ZNF606: variants seen among roughly 807,000 people sequenced by gnomAD.
The protein encoded by ZNF606 is zinc finger protein 606, also known as zinc finger protein 328.
ZNF606 carries 37 observed loss-of-function variants against 74.9 expected under a neutral mutation model. That is an observed-to-expected ratio of 0.49 (90% CI 0.38 to 0.65). The LOEUF is 0.65. ZNF606 is among the 30% of genes least tolerant of loss of function. ZNF606 has a pLI of 0.00. For missense variants in ZNF606, 852 were observed against 952.9 expected (o/e 0.89, Z 1.39); for synonymous variants, 328 against 312.4 (o/e 1.05, Z -0.53).
chr19:58,000,504 TCA>T, intron 3 of ZNF606, 177 bp downstream of exon 3: 1 of 716,414 alleles, frequency 1.4e-6, no homozygotes, highest in Non-Finnish European at 2.5e-6. Flanking sequence ...TAGGCGTGAG[TCA>T]CCACGCCTGG....
rs1313857117 is a variant in ZNF606 at position 57,979,621 on chromosome 19, G to C, written c.1059C>G (p.Ile353Met). The C allele has an allele frequency of 3.1e-6, 5 of 1,613,274 alleles. No individual in the cohort carries two copies. The South Asian group carries it at 5.5e-5, about 18-fold the overall frequency. Residue 353 changes from isoleucine to methionine, a missense_variant, in exon 7 of 7, where the codon ATC becomes ATG. This residue lies in a region of ZNF606 where 545 missense variants were observed against 542.5 expected (regional missense o/e 1.00). Coordinates refer to ENST00000551380, the MANE Select transcript of ZNF606 (RefSeq NM_001348022.3). ...NQYNYKEYENIFYFSSFMEHQ... is the reference protein window; with the variant it reads ...NQYNYKEYENMFYFSSFMEHQ... ...GTTCCATAAAGGATGAGAAATAAAA[G>C]ATATTCTCATATTCTTTGTAATTAT...
Position 57,978,628 on chromosome 19 carries a change from C to T in ZNF606, c.2052G>A (p.Gln684=), listed in dbSNP as rs954017434. ...AACTACAGTTAAAGGATCTTTCACA[C>T]TGATTACATTTATAGGGTTTCTCAC... ...HTGEKPYKCN[Q]CERSFNCSSH... Residue 684 remains glutamine (Q), a synonymous_variant, in exon 7 of 7, where the codon CAG becomes CAA. Transcript: ENST00000551380. The surrounding 1 kb of genome is among the most constrained non-coding windows in gnomAD (Gnocchi z 4.4). 3.7e-6 allele frequency: 6 copies of T among 1,613,892 alleles called. No individual in the cohort carries two copies. Among genetic ancestry groups the T allele is most frequent in the Non-Finnish European group, 5.1e-6 (6 of 1,180,016 alleles).
chr19:57,997,525 T>C (rs2073356912), intron 4 of ZNF606: 1 of 152,202 alleles, frequency 6.6e-6, no homozygotes, highest in South Asian at 2.1e-4. Flanking sequence ...AAATCCGAGT[T>C]TCCCACAGGA....
At chr19:57,993,249 T>C (rs1382678273) in intron 4 of ZNF606, among the ~76,000 whole-genome samples, 1 of 152,148 alleles carries the variant, frequency 6.6e-6, no homozygotes, top group Admixed American at 6.5e-5. Flanking sequence ...TGGTAGTCTA[T>C]TACAATAGCA....
At position 57,988,212 on chromosome 19, in the gene ZNF606, C is replaced by G. The variant is rs770509952; in HGVS notation, c.395G>C (p.Cys132Ser). 6.8e-6 allele frequency: 11 copies of G among 1,613,558 alleles called. No homozygotes were observed. In the East Asian group the frequency reaches 1.3e-4, roughly 20 times the overall value. ...AGCCTGGGGTCTGCCCTCACCTGGACAAGTGCGTTGAGGACATGCCTGCTC... is the reference window on the plus strand; with the variant it reads ...AGCCTGGGGTCTGCCCTCACCTGGAGAAGTGCGTTGAGGACATGCCTGCTC... ...SVEQACPQRT[C>S]PEWVRNLESK... The change falls in exon 6 of 7, where the codon TGT (cysteine) becomes TCT (serine). Residue 132 changes from cysteine (C) to serine (S), a missense_variant. By Grantham distance (112) the Cys-to-Ser change is moderately radical. Coordinates refer to ENST00000551380, the MANE Select transcript of ZNF606 (RefSeq NM_001348022.3).
intron 6 of ZNF606, among the ~76,000 whole-genome samples, chr19:57,982,701 A>G (rs917673320): frequency 1.3e-5 from 2 of 152,028 alleles, no homozygotes; most frequent in African/African-American, 2.4e-5. Flanking sequence ...TGGTACCGTC[A>G]TAGCTCACTG....
chr19:57,995,433 C>T (rs1253775383), intron 4 of ZNF606, among the ~76,000 whole-genome samples: 1 of 152,024 alleles, frequency 6.6e-6, no homozygotes, highest in Non-Finnish European at 1.5e-5. Flanking sequence ...GCAAAAGGAA[C>T]AAGCCTGACT....
chr19:58,000,629 T>G (rs963452580), intron 3 of ZNF606, 54 bp downstream of exon 3: 3 of 1,587,008 alleles, frequency 1.9e-6, no homozygotes, highest in Non-Finnish European at 2.6e-6. Flanking sequence ...GGCAGAGCAC[T>G]ACAGCCAGAG....
At chr19:57,997,738 C>T (rs915988211) in intron 4 of ZNF606, 1 of 152,226 alleles carries the variant, frequency 6.6e-6, no homozygotes, top group African/African-American at 2.4e-5. Flanking sequence ...TGTTTTATTA[C>T]AGCTAACTTC....
upstream of ZNF606, chr19:58,002,881 C>A: frequency 2.3e-6 from 1 of 432,054 alleles, no homozygotes. Flanking sequence ...CGGCGTCGGG[C>A]AGCGGCGCCG....
intron 4 of ZNF606, among the ~76,000 whole-genome samples, chr19:57,991,235 G>C (rs771335690): frequency 6.6e-6 from 1 of 151,794 alleles, no homozygotes; most frequent in African/African-American, 2.4e-5. Context: ...AAGGATCTTG[G>C]AGCAACAATT....
chr19:57,997,906 T>C (rs761147657), intron 4 of ZNF606: 1 of 152,208 alleles, frequency 6.6e-6, no homozygotes, highest in Admixed American at 6.5e-5. Flanking sequence ...CCTTGCATCA[T>C]ATGGTTCAGG....
At chr19:58,001,047 C>A (rs965576994) in intron 2 of ZNF606, 1 of 561,390 alleles carries the variant, frequency 1.8e-6, no homozygotes, top group Non-Finnish European at 3.1e-6. Context: ...GGAAACCCCA[C>A]AAACCACCAG....
chr19:57,981,763 A>C (rs1224630009), intron 6 of ZNF606, among the ~76,000 whole-genome samples: 1 of 152,240 alleles, frequency 6.6e-6, no homozygotes, highest in Non-Finnish European at 1.5e-5. Context: ...ATACCCCTAA[A>C]GTTACACTTC....
At chr19:57,987,062 C>T (rs2073174100) in intron 6 of ZNF606, among the ~76,000 whole-genome samples, 1 of 152,104 alleles carries the variant, frequency 6.6e-6, no homozygotes, top group South Asian at 2.1e-4. Context: ...TGCACTCCAG[C>T]CTGGGCAGAA....
intron 4 of ZNF606, among the ~76,000 whole-genome samples, chr19:57,993,786 A>G (rs1299008016): frequency 6.6e-6 from 1 of 152,196 alleles, no homozygotes; most frequent in East Asian, 1.9e-4. Flanking sequence ...CTCTATATCT[A>G]TGAAACTGGA....
At position 57,979,682 on chromosome 19, in the gene ZNF606, T is replaced by C; in HGVS notation, c.998A>G (p.Asn333Ser). 1 of 1,613,774 alleles carries C rather than the reference T, an allele frequency of 6.2e-7. No individual in the cohort carries two copies. Among genetic ancestry groups the C allele is most frequent in the East Asian group, 2.2e-5 (1 of 44,854 alleles). Reference sequence around the variant, plus strand: ...TCCAACATGAAGCCTTGGGTGTTCATTAAATGATGGGCTCTGGTTAAAGAT... The same window carrying C: ...TCCAACATGAAGCCTTGGGTGTTCACTAAATGATGGGCTCTGGTTAAAGAT... Reference protein sequence around the residue: ...HQIFNQSPSFNEHPRLHVGEN... With the variant: ...HQIFNQSPSFSEHPRLHVGEN... Residue 333 changes from asparagine to serine, a missense_variant, in exon 7 of 7, where the codon AAT becomes AGT. By Grantham distance (46) the Asn-to-Ser change is conservative. Coordinates refer to ENST00000551380, the MANE Select transcript of ZNF606 (RefSeq NM_001348022.3).
chr19:57,988,334 T>C (rs776021750), intron 5 of ZNF606, 32 bp from the exon 6 acceptor site: 30 of 1,598,774 alleles, frequency 1.9e-5, no homozygotes, highest in Admixed American at 3.4e-5. Context: ...GGAAATCATG[T>C]CATGAGGCTT....
chr19:57,984,180 T>G (rs1402512165), intron 6 of ZNF606, among the ~76,000 whole-genome samples: 1 of 152,218 alleles, frequency 6.6e-6, no homozygotes, highest in Non-Finnish European at 1.5e-5. Flanking sequence ...TCAAGATGAC[T>G]TCTCAATCTC....
Sources: allele counts gnomAD v4.1 joint callset (sites outside exome capture counted in the v4.1 genomes callset), GRCh38; gene constraint gnomAD v4.1.1; regional missense constraint gnomAD v4.1.1; non-coding constraint Gnocchi (gnomAD v3.1); transcripts MANE v1.5; gene names NCBI Gene and HGNC (gene_info 2026-07-23, HGNC 2026-07-21).